Variants in TMEM87A observed in about 807,000 individuals in gnomAD.
TMEM87A encodes the protein transmembrane protein 87A.
A neutral mutation model predicts 90.0 loss-of-function variants in TMEM87A; 50 were observed. That is an observed-to-expected ratio of 0.56 (90% confidence interval 0.44 to 0.70). The LOEUF is 0.70. Among genes scored for constraint, TMEM87A ranks in the 30% least tolerant of loss-of-function variants. The pLI, the probability that TMEM87A is intolerant of heterozygous loss-of-function variation, is 0.00. For missense variants in TMEM87A, 577 were observed against 660.5 expected, an observed-to-expected ratio of 0.87 and a Z score of 1.39; for synonymous variants, 226 against 226.7, an observed-to-expected ratio of 1.00 and a Z score of 0.03.
chr15:42,243,230 T>C (rs1412549127), intron 7 of TMEM87A, among the ~76,000 whole-genome samples: 2 of 151,512 alleles, frequency 1.3e-5, no homozygotes, highest in African/African-American at 4.9e-5. Flanking sequence ...ATTACGCCAC[T>C]GCACTCTAGC....
chr15:42,213,648 C>T lies in TMEM87A; in HGVS notation c.1627-1899G>A, dbSNP rs143378063. On this transcript the variant is annotated intron_variant, in intron 19 of 19. Coordinates refer to ENST00000389834, the MANE Select transcript of TMEM87A (RefSeq NM_015497.5). ...TTATAAATTCCTGGGGAGGGAAAAA[C>T]CCAGCAAATCCCTCTGATTGGGAAT... 1.1e-4 allele frequency among the ~76,000 whole-genome samples: 16 copies of T among 152,284 alleles called. No homozygotes were observed. The East Asian group carries it at 2.9e-3, about 28-fold the overall frequency.
At chr15:42,251,980 C>T (rs1366209330) in intron 6 of TMEM87A, among the ~76,000 whole-genome samples, 3 of 152,264 alleles carry the variant, frequency 2.0e-5, no homozygotes, top group Non-Finnish European at 2.9e-5. Flanking sequence ...AGCCTGGCTG[C>T]CACCTCGCAG....
At chr15:42,258,949 T>C in intron 6 of TMEM87A, 1 of 1,071,836 alleles carries the variant, frequency 9.3e-7, no homozygotes, top group Non-Finnish European at 1.4e-6. Context: ...TTAAAGTCTT[T>C]CAACAATCCA....
At chr15:42,272,680 T>C (rs1455489515) in intron 1 of TMEM87A, 1 of 318,838 alleles carries the variant, frequency 3.1e-6, no homozygotes, top group Non-Finnish European at 6.1e-6. Context: ...CCTTACCACA[T>C]TAAATTTTAA....
rs765630492 is a variant in TMEM87A, at chr15:42,211,628, T to C, written c.*80A>G. 255 of 1,388,804 alleles carry C rather than the reference T, an allele frequency of 1.8e-4. No individual in the cohort carries two copies. The highest frequency in any genetic ancestry group is 2.4e-4 in the Non-Finnish European group (233 of 991,422). 86.0% of individuals were successfully genotyped at this position (1,388,804 alleles called of 1,614,324 possible). A position where few individuals can be genotyped will look rare whatever the true frequency, so the allele number is the denominator to read the frequency against. ...GATGTCATTGCTTCCTTTAATCCCA[T>C]GGAGCCGTACAGAAGACTGACACAG... is the stretch of plus-strand genomic sequence containing the variant. On this transcript the variant is annotated 3_prime_UTR_variant, in exon 20 of 20. Transcript: ENST00000389834.
chr15:42,235,922 A>G (rs1453764819), intron 10 of TMEM87A, among the ~76,000 whole-genome samples: 1 of 152,218 alleles, frequency 6.6e-6, no homozygotes, highest in Non-Finnish European at 1.5e-5. Flanking sequence ...CCTATAGAAG[A>G]CACTCCTCAA....
At chr15:42,272,774 A>C in intron 1 of TMEM87A, 1 of 367,036 alleles carries the variant, frequency 2.7e-6, no homozygotes, top group South Asian at 2.1e-5. Context: ...AGTAAAGCTT[A>C]GAATAGCCAT....
Position 42,239,661 on chromosome 15 carries a change from G to C in TMEM87A, c.684+9C>G, listed in dbSNP as rs760743863. The stretch of plus-strand genomic sequence containing the variant: ...CAATACTGAGGTTAAATAATATAAA[G>C]TCACTTACAATCATCAAGGGATAGT... On this transcript the variant is annotated intron_variant, in intron 8 of 19. Transcript: ENST00000389834. 1.2e-6 allele frequency: 2 copies of C among 1,610,888 alleles called. No homozygotes were observed. The highest frequency in any genetic ancestry group is 3.3e-5 in the Admixed American group (2 of 60,022).
At chr15:42,257,807 A>G (rs2051211663) in intron 6 of TMEM87A, 1 of 555,716 alleles carries the variant, frequency 1.8e-6, no homozygotes, top group African/African-American at 2.1e-5. Context: ...CAGCCATAAA[A>G]AGGTGAAGTA....
intron 1 of TMEM87A, chr15:42,272,910 G>A (rs1316748529): frequency 4.0e-6 from 2 of 497,244 alleles, no homozygotes; most frequent in Non-Finnish European, 7.8e-6. Flanking sequence ...ATCCAACCCG[G>A]GGACACTGGA....
chr15:42,239,857 C>A, intron 7 of TMEM87A, 126 bp from the exon 8 acceptor site: 1 of 793,862 alleles, frequency 1.3e-6, no homozygotes, highest in East Asian at 2.4e-5. Flanking sequence ...GCACTTCAAT[C>A]CTGGTCAATA....
upstream of TMEM87A, chr15:42,273,474 T>C: frequency 6.3e-7 from 1 of 1,590,544 alleles, no homozygotes; most frequent in South Asian, 1.1e-5. Flanking sequence ...GGCTCTGCTC[T>C]AAGGGCGGGA....
rs188374874 is a variant in TMEM87A, at chr15:42,221,504, T to C, written c.1404-1369A>G. On this transcript the variant is annotated intron_variant, in intron 15 of 19. Coordinates refer to ENST00000389834, the MANE Select transcript of TMEM87A (RefSeq NM_015497.5). ...AAAAATATATATATAATCTCCCTAA[T>C]TTATTAATTCAATTAAGTTCCAATC... Among the ~76,000 whole-genome samples the C allele has an allele frequency of 2.2e-3, 337 of 152,150 alleles. 1 individual carries two copies. Among genetic ancestry groups the C allele is most frequent in the African/African-American group, 7.6e-3 (315 of 41,544 alleles).
At chr15:42,220,252 G>GA in intron 15 of TMEM87A, 117 bp from the exon 16 acceptor site, 1 of 703,000 alleles carries the variant, frequency 1.4e-6, no homozygotes, top group African/African-American at 1.8e-5. Context: ...CATTAAATCA[G>GA]TTTAATAATA....
At chr15:42,227,552 C>T (rs1167336736) in intron 14 of TMEM87A, 159 bp downstream of exon 14, 2 of 604,962 alleles carry the variant, frequency 3.3e-6, no homozygotes, top group Admixed American at 2.9e-5. Context: ...CATGATAGTA[C>T]AGAATACTTA....
intron 4 of TMEM87A, among the ~76,000 whole-genome samples, chr15:42,262,627 G>A (rs1001571480): frequency 6.6e-6 from 1 of 151,904 alleles, no homozygotes; most frequent in African/African-American, 2.4e-5. Flanking sequence ...ATGTTGGCCA[G>A]GCTGGTCTTG....
At chr15:42,225,746 C>T (rs938481887) in intron 15 of TMEM87A, among the ~76,000 whole-genome samples, 1 of 152,080 alleles carries the variant, frequency 6.6e-6, no homozygotes, top group African/African-American at 2.4e-5. Flanking sequence ...TGGCCGAAAC[C>T]ATGTTGGCTC....
intron 9 of TMEM87A, among the ~76,000 whole-genome samples, chr15:42,236,857 G>GAA (rs1316100662): frequency 6.6e-6 from 1 of 152,040 alleles, no homozygotes; most frequent in African/African-American, 2.4e-5. Flanking sequence ...AAAGACCAGG[G>GAA]AAAATCTTAT....
chr15:42,269,027 G>C (rs914483557), intron 2 of TMEM87A, among the ~76,000 whole-genome samples: 1 of 151,634 alleles, frequency 6.6e-6, no homozygotes, highest in Non-Finnish European at 1.5e-5. Flanking sequence ...TTTTTTCAAA[G>C]CCTACCTTAA....
Sources: gnomAD v4.1 joint callset for allele counts (sites outside exome capture counted in the v4.1 genomes callset) on GRCh38, gnomAD v4.1.1 for gene constraint, MANE v1.5 for transcripts, NCBI Gene and HGNC (gene_info 2026-07-23, HGNC 2026-07-21) for gene names.